UBE4B: variants seen among roughly 807,000 people sequenced by gnomAD.
The protein encoded by UBE4B is ubiquitination factor E4B.
A neutral mutation model predicts 148.1 loss-of-function variants in UBE4B; 27 were observed. The observed-to-expected ratio is 0.18, with a 90% confidence interval of 0.13 to 0.25. UBE4B has a LOEUF of 0.25. Ranked by LOEUF, UBE4B falls within the 10% of genes least tolerant of loss-of-function variation. The probability of loss-of-function intolerance (pLI) is 1.00; values close to 1 mark genes in which losing one functional copy is unlikely to be tolerated. For missense variants in UBE4B, 1,170 were observed against 1,662.4 expected (o/e 0.70, Z 5.15); for synonymous variants, 596 against 619.3 (o/e 0.96, Z 0.56).
At position 10,043,445 on chromosome 1, in the gene UBE4B, A is replaced by G. The variant is rs1331901810; in HGVS notation, c.24+9751A>G. 2.2e-4 allele frequency among the ~76,000 whole-genome samples: 10 copies of G among 46,254 alleles called. No individual in the cohort carries two copies. The Admixed American group carries it at 2.9e-3, about 13-fold the overall frequency. The allele number at this position is 46,254 out of a possible 152,430, so 30.3% of individuals were successfully genotyped here. ...GCTTTTTTTTTTTTTTTTTTTTTTG[A>G]GATGGAGTCTCACTCTTGTCACCCA... On this transcript the variant is annotated intron_variant, in intron 1 of 27. Transcript: ENST00000343090.
chr1:10,117,970 C>T (rs946540468), intron 8 of UBE4B, among the ~76,000 whole-genome samples: 4 of 152,114 alleles, frequency 2.6e-5, no homozygotes, highest in African/African-American at 7.2e-5. Context: ...TGTGCCAGGT[C>T]GACATTAGCT....
At chr1:10,126,354 GA>G (rs1645497557) in intron 10 of UBE4B, among the ~76,000 whole-genome samples, 1 of 151,864 alleles carries the variant, frequency 6.6e-6, no homozygotes, top group Non-Finnish European at 1.5e-5. Flanking sequence ...TAGATAGATA[GA>G]AAGGAGGAAA....
At chr1:10,134,187 G>T (rs1168134569) in intron 15 of UBE4B, among the ~76,000 whole-genome samples, 1 of 151,698 alleles carries the variant, frequency 6.6e-6, no homozygotes, top group Admixed American at 6.6e-5. Flanking sequence ...TTACTGACCT[G>T]TAAGAATTAT....
intron 1 of UBE4B, among the ~76,000 whole-genome samples, chr1:10,064,854 C>A (rs1230957094): frequency 2.6e-5 from 4 of 151,926 alleles, no homozygotes; most frequent in Non-Finnish European, 4.4e-5. Flanking sequence ...GCCTCCACCT[C>A]CCGGGTTCAA....
rs536600344 is a variant in UBE4B at position 10,106,513 on chromosome 1, G to C, written c.1126G>C (p.Gly376Arg). ...SSSRQRPSSTGPPLPPASPSA... is the reference protein window; with the variant it reads ...SSSRQRPSSTRPPLPPASPSA... ...TTCCAGACAGAGGCCCAGCAGCACGGGTCCACCCCTACCACCCGCCTCACC... is the reference window on the plus strand; with the variant it reads ...TTCCAGACAGAGGCCCAGCAGCACGCGTCCACCCCTACCACCCGCCTCACC... Residue 376 changes from glycine to arginine, a missense_variant, in exon 7 of 28, where the codon GGT (glycine) becomes CGT (arginine). Gly to Arg is a moderately radical substitution (Grantham distance 125). This residue lies in a region of UBE4B where 214 missense variants were observed against 209.1 expected (regional missense o/e 1.02). Transcript: ENST00000343090. This position sits in a 1 kb window ranked among gnomAD's most constrained non-coding sequence, Gnocchi z 4.2. The C allele has an allele frequency of 2.0e-5, 32 of 1,611,346 alleles. No individual in the cohort carries two copies. Among genetic ancestry groups the C allele is most frequent in the South Asian group, 1.3e-4 (12 of 90,954 alleles).
chr1:10,117,341 G>A (rs1645329206), intron 7 of UBE4B, 118 bp from the exon 8 acceptor site: 2 of 1,308,620 alleles, frequency 1.5e-6, no homozygotes, highest in South Asian at 1.4e-5. Context: ...GGCCGCATGG[G>A]TGTTTGTGCT....
At chr1:10,074,057 G>GTCTCTCA (rs1263387709) in intron 2 of UBE4B, among the ~76,000 whole-genome samples, 3 of 150,282 alleles carry the variant, frequency 2.0e-5, no homozygotes, top group Non-Finnish European at 4.4e-5. Context: ...GTCTGCTTCA[G>GTCTCTCA]TCTCTCATGT....
intron 1 of UBE4B, chr1:10,059,631 G>A (rs577633587): frequency 5.3e-4 from 97 of 182,136 alleles, no homozygotes; most frequent in Non-Finnish European, 1.0e-3. Flanking sequence ...CCATGGAAGC[G>A]TGGCTGCTTA....
At position 10,095,520 on chromosome 1, in the gene UBE4B, A is replaced by G. The variant is rs1316166323; in HGVS notation, c.271A>G (p.Asn91Asp). ...GVSSLSSSPS[N>D]SLETQSQSLS... ...CAGTTCTCTCAGCAGCTCGCCCTCTAATAGCCTTGAAACGCAATCTCAGTC... is the reference window on the plus strand; with the variant it reads ...CAGTTCTCTCAGCAGCTCGCCCTCTGATAGCCTTGAAACGCAATCTCAGTC... The change falls in exon 3 of 28, where the codon AAT (asparagine) becomes GAT (aspartate). Residue 91 changes from asparagine (N) to aspartate (D), a missense_variant. Coordinates refer to ENST00000343090, the MANE Select transcript of UBE4B (RefSeq NM_001105562.3). 6.2e-7 allele frequency: 1 copy of G among 1,614,178 alleles called. No homozygotes were observed. Among genetic ancestry groups the G allele is most frequent in the South Asian group, 1.1e-5 (1 of 91,088 alleles).
intron 1 of UBE4B, among the ~76,000 whole-genome samples, chr1:10,037,527 T>C (rs1427314390): frequency 6.6e-6 from 1 of 152,118 alleles, no homozygotes; most frequent in African/African-American, 2.4e-5. Context: ...TCATGTGTTG[T>C]TTTTCGTATC....
intron 1 of UBE4B, among the ~76,000 whole-genome samples, chr1:10,055,921 AAAAAC>A (rs577766523): frequency 3.0e-3 from 460 of 151,800 alleles, no homozygotes; most frequent in Non-Finnish European, 4.4e-3. Flanking sequence ...TCTGTCTCAA[AAAAAC>A]AAAACAAAAC....
intron 10 of UBE4B, 44 bp downstream of exon 10, chr1:10,122,120 C>G: frequency 1.4e-6 from 2 of 1,384,438 alleles, no homozygotes; most frequent in Non-Finnish European, 2.0e-6. Context: ...AGCCTGAGAG[C>G]CTCTATGTCG....
intron 17 of UBE4B, among the ~76,000 whole-genome samples, chr1:10,140,228 T>G (rs1376512286): frequency 6.6e-6 from 1 of 152,218 alleles, no homozygotes; most frequent in Non-Finnish European, 1.5e-5. Flanking sequence ...GTGGGTTATT[T>G]CAAAATATAT....
At position 10,119,517 on chromosome 1, in the gene UBE4B, G is replaced by A; in HGVS notation, c.1343G>A (p.Cys448Tyr). Residue 448 changes from cysteine to tyrosine, a missense_variant, in exon 9 of 28, where the codon TGC (cysteine) becomes TAC (tyrosine). By Grantham distance (194) the Cys-to-Tyr change is radical. Transcript: ENST00000343090. ...ACTTCCACCTTTCCTTTTCAGATGT[G>A]CAGCCAGCCAGCAGTCAGCCAGCTT... The part of the protein sequence containing the change: ...GIEEKKAPKM[C>Y]SQPAVSQLLS... 1 of 1,613,428 alleles carries A rather than the reference G, an allele frequency of 6.2e-7. No individual in the cohort carries two copies. The highest frequency in any genetic ancestry group is 8.5e-7 in the Non-Finnish European group (1 of 1,179,562).
intron 21 of UBE4B, among the ~76,000 whole-genome samples, chr1:10,156,939 T>G (rs187915647): frequency 7.9e-5 from 12 of 152,140 alleles, no homozygotes; most frequent in African/African-American, 2.6e-4. Context: ...AAGGACGATG[T>G]AGGAGGATCG....
intron 17 of UBE4B, among the ~76,000 whole-genome samples, chr1:10,139,430 C>T (rs1216728618): frequency 1.3e-5 from 2 of 151,976 alleles, no homozygotes; most frequent in African/African-American, 4.8e-5. Context: ...GAATATTCTC[C>T]TGTTTTTTAT....
At position 10,168,058 on chromosome 1, in the gene UBE4B, T is replaced by C. The variant is rs1176089832; in HGVS notation, c.3199-78T>C. On this transcript the variant is annotated intron_variant, in intron 23 of 27. Coordinates refer to ENST00000343090, the MANE Select transcript of UBE4B (RefSeq NM_001105562.3). The surrounding 1 kb of genome is among the most constrained non-coding windows in gnomAD (Gnocchi z 4.9). ...AGCATGTTGGGTTTATCACGCACTTTCCAGTTATGTGCTTGGCGCTTTGCT... is the reference window on the plus strand; with the variant it reads ...AGCATGTTGGGTTTATCACGCACTTCCCAGTTATGTGCTTGGCGCTTTGCT... 1.3e-5 allele frequency: 20 copies of C among 1,511,334 alleles called. No homozygotes were observed. The highest frequency in any genetic ancestry group is 9.5e-5 in the East Asian group (4 of 42,222). The allele number at this position is 1,511,334 out of a possible 1,614,324, so 93.6% of individuals were successfully genotyped here.
Position 10,161,058 on chromosome 1 carries a change from T to A in UBE4B, c.3054-84T>A. 6.7e-7 allele frequency: 1 copy of A among 1,501,834 alleles called. No homozygotes were observed. Among genetic ancestry groups the A allele is most frequent in the Admixed American group, 1.8e-5 (1 of 56,762 alleles). 93.0% of individuals were successfully genotyped at this position (1,501,834 alleles called of 1,614,324 possible). On this transcript the variant is annotated intron_variant, in intron 22 of 27. Coordinates refer to ENST00000343090, the MANE Select transcript of UBE4B (RefSeq NM_001105562.3). This position sits in a 1 kb window ranked among gnomAD's most constrained non-coding sequence, Gnocchi z 4.1. ...TAGGGTGAGATAGTTGCAGTCTGGG[T>A]GGAGGTGCTTGTTCCCTGGGATTTG...
chr1:10,142,673 AAAG>A (rs1452393249), intron 17 of UBE4B, among the ~76,000 whole-genome samples: 4 of 152,018 alleles, frequency 2.6e-5, no homozygotes, highest in South Asian at 2.1e-4. Context: ...TGTCTCAAAA[AAAG>A]AAGATGAAGG....
Sources: allele counts gnomAD v4.1 joint callset (sites outside exome capture counted in the v4.1 genomes callset), GRCh38; gene constraint gnomAD v4.1.1; regional missense constraint gnomAD v4.1.1; non-coding constraint Gnocchi (gnomAD v3.1); transcripts MANE v1.5; gene names NCBI Gene and HGNC (gene_info 2026-07-23, HGNC 2026-07-21).